UQCRC1: variants seen among roughly 807,000 people sequenced by gnomAD.
The protein encoded by UQCRC1 is cytochrome b-c1 complex subunit 1, mitochondrial.
UQCRC1 carries 34 observed loss-of-function variants against 58.0 expected under a neutral mutation model. That is an observed-to-expected ratio of 0.59 (90% CI 0.45 to 0.78). The LOEUF (loss-of-function observed/expected upper bound fraction) is 0.78, where lower values mean the gene tolerates loss of function less well. Among genes scored for constraint, UQCRC1 ranks in the 30% least tolerant of loss-of-function variants. The pLI is 0.00. For missense variants in UQCRC1, 610 were observed against 646.0 expected, an observed-to-expected ratio of 0.94 and a Z score of 0.60; for synonymous variants, 276 against 248.8, an observed-to-expected ratio of 1.11 and a Z score of -1.03.
At chr3:48,606,116 C>T (rs779689303) in intron 2 of UQCRC1, among the ~76,000 whole-genome samples, 4 of 152,206 alleles carry the variant, frequency 2.6e-5, no homozygotes, top group Non-Finnish European at 2.9e-5. Context: ...TAACTGTGCA[C>T]ATTTACCTGG....
chr3:48,608,263 T>A (rs1422372867), intron 2 of UQCRC1, among the ~76,000 whole-genome samples: 1 of 152,006 alleles, frequency 6.6e-6, no homozygotes, highest in Non-Finnish European at 1.5e-5. Context: ...TCCTAAGAGA[T>A]GTCAATGCAT....
chr3:48,607,078 G>A (rs1225108990), intron 2 of UQCRC1, among the ~76,000 whole-genome samples: 5 of 145,652 alleles, frequency 3.4e-5, no homozygotes, highest in Non-Finnish European at 7.4e-5. Context: ...GTCTCGCTCT[G>A]TCACCCAGGC....
Position 48,600,563 on chromosome 3 carries a change from G to A in UQCRC1, c.1132C>T (p.Arg378Cys), listed in dbSNP as rs200354059. The change falls in exon 10 of 13, where the codon CGC becomes TGC. Residue 378 changes from arginine (R) to cysteine (C), a missense_variant. Coordinates refer to ENST00000203407, the MANE Select transcript of UQCRC1 (RefSeq NM_003365.3). ...MMFVLQGQWM[R>C]LCTSATESEV... The stretch of plus-strand genomic sequence containing the variant: ...CTCTCCGTGGCACTGGTACACAGGC[G>A]CATCCTAAAGTGGGGGGGTGGGTGG... 5.0e-6 allele frequency: 8 copies of A among 1,614,076 alleles called. No homozygotes were observed. Among genetic ancestry groups the A allele is most frequent in the Admixed American group, 3.3e-5 (2 of 60,004 alleles).
chr3:48,606,699 G>A (rs1034982230), intron 2 of UQCRC1, among the ~76,000 whole-genome samples: 2 of 150,772 alleles, frequency 1.3e-5, no homozygotes, highest in East Asian at 2.0e-4. Flanking sequence ...AGCCAAGATC[G>A]TGCCACTGCA....
chr3:48,603,195 T>A (rs1005605288), intron 6 of UQCRC1, among the ~76,000 whole-genome samples: 7 of 152,220 alleles, frequency 4.6e-5, no homozygotes, highest in African/African-American at 1.7e-4. Context: ...AGGCACTTCT[T>A]GGTTTGTTAT....
Position 48,604,108 on chromosome 3 carries a change from T to C in UQCRC1, c.626+125A>G. 7.0e-6 allele frequency: 7 copies of C among 1,006,848 alleles called. No homozygotes were observed. The Admixed American group carries it at 8.4e-5, about 12-fold the overall frequency. The allele number at this position is 1,006,848 out of a possible 1,614,324, so 62.4% of individuals were successfully genotyped here. On this transcript the variant is annotated intron_variant, in intron 5 of 12. Coordinates refer to ENST00000203407, the MANE Select transcript of UQCRC1 (RefSeq NM_003365.3). The stretch of plus-strand genomic sequence containing the variant: ...CACTGGACCACATGGATACAGAAAC[T>C]GTCTCCAGTTGCATAACTCAGGAAA...
intron 7 of UQCRC1, 85 bp from the exon 8 acceptor site, chr3:48,601,203 T>C (rs1026760905): frequency 1.9e-6 from 3 of 1,539,834 alleles, no homozygotes; most frequent in African/African-American, 2.7e-5. Flanking sequence ...AGGGTGTATG[T>C]GTGTGAACAT....
rs763061550 is a variant in UQCRC1 at position 48,601,047 on chromosome 3, G to A, written c.894C>T (p.Ser298=). The A allele has an allele frequency of 3.1e-5, 50 of 1,611,342 alleles. No individual in the cohort carries two copies. The highest frequency in any genetic ancestry group is 3.8e-5 in the Non-Finnish European group (45 of 1,177,746). ...AIAVEGPGWA[S]PDNVALQVAN... ...CCACTTGCAAGGCCACATTGTCCGGGCTGGCCCAGCCAGGACCCTCTACTG... is the reference window on the plus strand; with the variant it reads ...CCACTTGCAAGGCCACATTGTCCGGACTGGCCCAGCCAGGACCCTCTACTG... The change falls in exon 8 of 13, where the codon AGC becomes AGT. Residue 298 remains serine (S), a synonymous_variant. Coordinates refer to ENST00000203407, the MANE Select transcript of UQCRC1 (RefSeq NM_003365.3).
At chr3:48,599,543 G>T in intron 12 of UQCRC1, 92 bp downstream of exon 12, 2 of 1,398,636 alleles carry the variant, frequency 1.4e-6, no homozygotes, top group Non-Finnish European at 2.0e-6. Flanking sequence ...TGCTCTGTAA[G>T]CTGAGCAGCA....
chr3:48,607,471 A>G (rs992679129), intron 2 of UQCRC1, among the ~76,000 whole-genome samples: 4 of 152,074 alleles, frequency 2.6e-5, no homozygotes, highest in Admixed American at 6.6e-5. Flanking sequence ...CACTGCGCCC[A>G]GCCAAGACTT....
chr3:48,605,938 C>G (rs574581360), intron 2 of UQCRC1, 82 bp from the exon 3 acceptor site: 1 of 1,363,758 alleles, frequency 7.3e-7, no homozygotes, highest in Non-Finnish European at 1.0e-6. Flanking sequence ...TGACTCAGTA[C>G]AAGCCCCAGG....
chr3:48,602,206 A>T (rs1029445223), intron 6 of UQCRC1, among the ~76,000 whole-genome samples: 1 of 151,796 alleles, frequency 6.6e-6, no homozygotes, highest in Admixed American at 6.6e-5. Flanking sequence ...GCCCGCCACC[A>T]CGCCTGGCTA....
intron 3 of UQCRC1, among the ~76,000 whole-genome samples, 194 bp from the exon 4 acceptor site, chr3:48,604,974 G>A (rs1468353348): frequency 6.6e-6 from 1 of 152,160 alleles, no homozygotes. Flanking sequence ...ATGGCATCAT[G>A]CGCCAACAGA....
In UQCRC1 at chr3:48,599,623, T is replaced by C; in HGVS notation, c.1378+12A>G. The C allele has an allele frequency of 6.2e-7, 1 of 1,613,636 alleles. No homozygotes were observed. Among genetic ancestry groups the C allele is most frequent in the Non-Finnish European group, 8.5e-7 (1 of 1,179,812 alleles). On this transcript the variant is annotated intron_variant, in intron 12 of 12. Coordinates refer to ENST00000203407, the MANE Select transcript of UQCRC1 (RefSeq NM_003365.3). Reference sequence around the variant, plus strand: ...GGAAATAAACAAAGAGCAGACCCCCTAGGCCACTTACCATATCCAGCCACT... The same window carrying C: ...GGAAATAAACAAAGAGCAGACCCCCCAGGCCACTTACCATATCCAGCCACT...
chr3:48,602,248 T>G (rs2046372931), intron 6 of UQCRC1, among the ~76,000 whole-genome samples: 1 of 151,918 alleles, frequency 6.6e-6, no homozygotes, highest in Admixed American at 6.6e-5. Context: ...AGACGGGGTT[T>G]CACTGTGTTA....
chr3:48,609,268 G>A lies in UQCRC1; in HGVS notation c.104C>T (p.Thr35Met), dbSNP rs780156112. 6.1e-5 allele frequency: 98 copies of A among 1,612,048 alleles called. No individual in the cohort carries two copies. The highest frequency in any genetic ancestry group is 7.9e-5 in the Non-Finnish European group (93 of 1,179,346). ...ALLRTPALRS[T>M]ATFAQALQFV... ...CTGGAGCGCCTGAGCGAAGGTTGCC[G>A]TACTCCGCAAGGCTGGCGTCCGCAG... The change falls in exon 2 of 13, where the codon ACG (threonine) becomes ATG (methionine). Residue 35 changes from threonine (T) to methionine (M), a missense_variant. Coordinates refer to ENST00000203407, the MANE Select transcript of UQCRC1 (RefSeq NM_003365.3).
In UQCRC1 at chr3:48,601,400, TGCATATGTCCATGGGA is replaced by T. The variant is rs1329279836; in HGVS notation, c.758_773del (p.Ile253LysfsTer34). 6.2e-7 allele frequency: 1 copy of T among 1,614,066 alleles called. No homozygotes were observed. Among genetic ancestry groups the T allele is most frequent in the Non-Finnish European group, 8.5e-7 (1 of 1,180,032 alleles). On this transcript the variant is annotated frameshift_variant, in exon 7 of 13. Coordinates refer to ENST00000203407, the MANE Select transcript of UQCRC1 (RefSeq NM_003365.3). LOFTEE classifies it high-confidence loss of function. ...GAGTAAGAGTGGGCACAGCGTCCTC[TGCATATGTCCATGGGA>T]TGCCACCGAGGTGCTTCTGGGCGAG...
Position 48,600,962 on chromosome 3 carries a change from C to T in UQCRC1, c.966+13G>A, listed in dbSNP as rs377152335. ...CCCTGAAGGCGAGGTCCCATGCTCGCGCTGGCACTCACCACGCCACCACCA... is the reference window on the plus strand; with the variant it reads ...CCCTGAAGGCGAGGTCCCATGCTCGTGCTGGCACTCACCACGCCACCACCA... On this transcript the variant is annotated intron_variant, in intron 8 of 12. Coordinates refer to ENST00000203407, the MANE Select transcript of UQCRC1 (RefSeq NM_003365.3). The T allele has an allele frequency of 1.8e-5, 29 of 1,601,698 alleles. No individual in the cohort carries two copies. Among genetic ancestry groups the T allele is most frequent in the Non-Finnish European group, 2.3e-5 (27 of 1,170,762 alleles).
intron 6 of UQCRC1, 135 bp from the exon 7 acceptor site, chr3:48,601,602 T>C: frequency 1.2e-6 from 1 of 814,854 alleles, no homozygotes; most frequent in Non-Finnish European, 2.0e-6. Flanking sequence ...TAGAACAGGG[T>C]GAGGAAAGAA....
Sources: gnomAD v4.1 joint callset for allele counts (sites outside exome capture counted in the v4.1 genomes callset) on GRCh38, gnomAD v4.1.1 for gene constraint, MANE v1.5 for transcripts, NCBI Gene and HGNC (gene_info 2026-07-23, HGNC 2026-07-21) for gene names.